The following CDKAL1 variants were observed in gnomAD, a reference collection of about 807,000 sequenced individuals.
CDKAL1 encodes CDKAL1 threonylcarbamoyladenosine tRNA methylthiotransferase.
Under a neutral mutation model 68.2 loss-of-function variants are expected in CDKAL1, and 32 were observed. The ratio of observed to expected loss-of-function variants is 0.47; its 90% CI spans 0.35 to 0.63. CDKAL1 has a LOEUF of 0.63. Among genes scored for constraint, CDKAL1 ranks in the 30% least tolerant of loss-of-function variants. The pLI is 0.00. For synonymous variants in CDKAL1, 234 were observed against 244.3 expected, an observed-to-expected ratio of 0.96 and a Z score of 0.39; for missense variants, 606 against 696.7, an observed-to-expected ratio of 0.87 and a Z score of 1.47.
intron 11 of CDKAL1, among the ~76,000 whole-genome samples, chr6:21,032,895 C>A (rs183821025): frequency 2.0e-5 from 3 of 152,270 alleles, no homozygotes; most frequent in Admixed American, 2.0e-4. Context: ...ATAAATAATT[C>A]CTGGCCCATA....
intron 4 of CDKAL1, among the ~76,000 whole-genome samples, chr6:20,635,007 A>G (rs1385610371): frequency 6.6e-6 from 1 of 151,678 alleles, no homozygotes. Context: ...AAGAAGAAAG[A>G]AAAAAAGGAT....
At chr6:20,745,046 G>A (rs1172108937) in intron 6 of CDKAL1, among the ~76,000 whole-genome samples, 1 of 152,250 alleles carries the variant, frequency 6.6e-6, no homozygotes, top group Non-Finnish European at 1.5e-5. Context: ...TGTGCCAGCT[G>A]TGAGCCCTGC....
intron 13 of CDKAL1, among the ~76,000 whole-genome samples, chr6:21,183,466 C>T (rs1268447336): frequency 1.3e-5 from 2 of 152,276 alleles, no homozygotes; most frequent in Middle Eastern, 3.4e-3. Context: ...GTCACATATC[C>T]GTACAGTGTT....
intron 9 of CDKAL1, among the ~76,000 whole-genome samples, chr6:20,874,729 C>T (rs1232281134): frequency 1.3e-5 from 2 of 151,884 alleles, no homozygotes; most frequent in African/African-American, 4.8e-5. Context: ...TCTCGAACTC[C>T]GGGCATCAAG....
Position 21,126,210 on chromosome 6 carries a change from A to G in CDKAL1, c.1299+17747A>G, listed in dbSNP as rs1024736519. ...ATCTTTCTATTCCCAATTATGTTAC[A>G]TTTAAGTGAAATTAAGGGGAATGAT... On this transcript the variant is annotated intron_variant, in intron 13 of 15. Coordinates refer to ENST00000274695, the MANE Select transcript of CDKAL1 (RefSeq NM_017774.3). 7.2e-5 allele frequency among the ~76,000 whole-genome samples: 11 copies of G among 152,156 alleles called. No homozygotes were observed. In the East Asian group the frequency reaches 2.1e-3, roughly 29 times the overall value.
At chr6:20,967,607 G>A (rs1561923312) in intron 10 of CDKAL1, among the ~76,000 whole-genome samples, 1 of 152,154 alleles carries the variant, frequency 6.6e-6, no homozygotes, top group Non-Finnish European at 1.5e-5. Context: ...AGCACTTTGT[G>A]CAGTTGTCTT....
At chr6:20,847,154 T>C (rs1228153297) in intron 9 of CDKAL1, among the ~76,000 whole-genome samples, 1 of 152,212 alleles carries the variant, frequency 6.6e-6, no homozygotes, top group African/African-American at 2.4e-5. Flanking sequence ...CCCAACAGTT[T>C]TTCTCTACTT....
rs76619223 is a variant in CDKAL1, at chr6:21,021,845, T to C, written c.1055+21473T>C. On this transcript the variant is annotated intron_variant, in intron 11 of 15. Transcript: ENST00000274695. ...ACATTTCAGTTGCTTCTCTAATAAA[T>C]GTCTACTTTCCTGGGACACCTTATG... Among the ~76,000 whole-genome samples, 933 of 152,336 alleles carry C rather than the reference T, an allele frequency of 6.1e-3. 11 individuals carry two copies. Among genetic ancestry groups the C allele is most frequent in the African/African-American group, 0.021 (866 of 41,574 alleles).
At position 21,231,130 on chromosome 6, in the gene CDKAL1, G is replaced by C; in HGVS notation, c.*91G>C. ...AAAGCGACATCTCCATTCTCCAAGGGCAATAATTTGTACTGGTCATGCTGC... is the reference window on the plus strand; with the variant it reads ...AAAGCGACATCTCCATTCTCCAAGGCCAATAATTTGTACTGGTCATGCTGC... On this transcript the variant is annotated 3_prime_UTR_variant, in exon 16 of 16. Transcript: ENST00000274695. 1 of 1,030,308 alleles carries C rather than the reference G, an allele frequency of 9.7e-7. No individual in the cohort carries two copies. The highest frequency in any genetic ancestry group is 1.4e-6 in the Non-Finnish European group (1 of 712,398). The allele number at this position is 1,030,308 out of a possible 1,614,324, so 63.8% of individuals were successfully genotyped here.
intron 4 of CDKAL1, among the ~76,000 whole-genome samples, chr6:20,621,774 GT>G (rs10687080): frequency 2.0e-5 from 3 of 147,750 alleles, no homozygotes; most frequent in Admixed American, 6.8e-5. Flanking sequence ...ATACCTCAGT[GT>G]TTTTTTTTTT....
chr6:21,147,105 A>G (rs1443249505), intron 13 of CDKAL1, among the ~76,000 whole-genome samples: 1 of 152,120 alleles, frequency 6.6e-6, no homozygotes, highest in Non-Finnish European at 1.5e-5. Context: ...AATACCTAGA[A>G]CCTACGGTCC....
intron 10 of CDKAL1, among the ~76,000 whole-genome samples, chr6:20,983,237 AT>A (rs1169313591): frequency 6.6e-6 from 1 of 152,234 alleles, no homozygotes; most frequent in Admixed American, 6.5e-5. Flanking sequence ...GACTGCAAAG[AT>A]CCCATTAATT....
Position 21,005,607 on chromosome 6 carries a change from T to G in CDKAL1, c.1055+5235T>G, listed in dbSNP as rs59431267. 7.3e-3 allele frequency among the ~76,000 whole-genome samples: 1,113 copies of G among 152,318 alleles called. 17 individuals carry two copies. Among genetic ancestry groups the G allele is most frequent in the African/African-American group, 0.025 (1,042 of 41,578 alleles). ...AACGGTTTTGTTTTTACCTGCAAGT[T>G]GCATGGATCTAACGTTAAGTTGCAT... On this transcript the variant is annotated intron_variant, in intron 11 of 15. Transcript: ENST00000274695.
intron 13 of CDKAL1, among the ~76,000 whole-genome samples, chr6:21,153,766 A>G (rs1185294101): frequency 6.6e-6 from 1 of 152,212 alleles, no homozygotes; most frequent in Non-Finnish European, 1.5e-5. Context: ...ACTAATATTC[A>G]GTTTTAAGTG....
rs185857421 is a variant in CDKAL1, at chr6:21,174,862, T to C, written c.1300-23159T>C. Among the ~76,000 whole-genome samples, 277 of 152,256 alleles carry C rather than the reference T, an allele frequency of 1.8e-3. 4 individuals carry two copies. Among genetic ancestry groups the C allele is most frequent in the South Asian group, 0.013 (61 of 4,816 alleles). ...GTTATTGTTGGTAATAGCTTAAAATTGGAAACAAGCCAAATGTCTATTAAT... is the reference window on the plus strand; with the variant it reads ...GTTATTGTTGGTAATAGCTTAAAATCGGAAACAAGCCAAATGTCTATTAAT... On this transcript the variant is annotated intron_variant, in intron 13 of 15. Transcript: ENST00000274695.
At chr6:20,837,665 A>T (rs1427744074) in intron 8 of CDKAL1, among the ~76,000 whole-genome samples, 1 of 152,046 alleles carries the variant, frequency 6.6e-6, no homozygotes, top group Non-Finnish European at 1.5e-5. Flanking sequence ...TGCTTAGTTT[A>T]ACAGCAGACG....
At chr6:20,540,574 G>A (rs767531001) in intron 2 of CDKAL1, among the ~76,000 whole-genome samples, 2 of 151,628 alleles carry the variant, frequency 1.3e-5, no homozygotes, top group Non-Finnish European at 1.5e-5. Flanking sequence ...TTCTGTTTCA[G>A]TCTCCCGAGT....
At chr6:20,845,584 G>A (rs1002509266) in intron 8 of CDKAL1, among the ~76,000 whole-genome samples, 2 of 151,784 alleles carry the variant, frequency 1.3e-5, no homozygotes, top group South Asian at 2.1e-4. Flanking sequence ...AATTTCTAAG[G>A]TTGTATTTTC....
intron 13 of CDKAL1, among the ~76,000 whole-genome samples, chr6:21,111,214 TTTA>T (rs1240344203): frequency 6.6e-6 from 1 of 152,214 alleles, no homozygotes; most frequent in East Asian, 1.9e-4. Context: ...CTATATTCAT[TTTA>T]ATGTTCATTT....
Sources: allele counts gnomAD v4.1 joint callset (sites outside exome capture counted in the v4.1 genomes callset), GRCh38; gene constraint gnomAD v4.1.1; transcripts MANE v1.5; gene names NCBI Gene and HGNC (gene_info 2026-07-23, HGNC 2026-07-21).